CTNNA3: variants seen among roughly 807,000 people sequenced by gnomAD.
CTNNA3 encodes catenin alpha-3.
Under a neutral mutation model 95.7 loss-of-function variants are expected in CTNNA3, and 76 were observed. That is an observed-to-expected ratio of 0.79 (90% CI 0.66 to 0.96). The LOEUF is 0.96. Among genes scored for constraint, CTNNA3 ranks in the 40% least tolerant of loss-of-function variants. The pLI is 0.00. For synonymous variants in CTNNA3, 431 were observed against 374.4 expected (o/e 1.15, Z -1.74); for missense variants, 1,191 against 1,089.8 (o/e 1.09, Z -1.31).
chr10:67,112,889 A>T (rs771692062), intron 7 of CTNNA3, among the ~76,000 whole-genome samples: 1 of 152,126 alleles, frequency 6.6e-6, no homozygotes, highest in African/African-American at 2.4e-5. Flanking sequence ...TTAAAAAAAA[A>T]CATGTGAGTA....
At chr10:66,124,520 T>C (rs1442637393) in intron 13 of CTNNA3, among the ~76,000 whole-genome samples, 1 of 152,238 alleles carries the variant, frequency 6.6e-6, no homozygotes, top group African/African-American at 2.4e-5. Context: ...CACTTCCACA[T>C]TTTCAGGTAT....
intron 10 of CTNNA3, among the ~76,000 whole-genome samples, chr10:66,544,132 T>C (rs949815074): frequency 6.6e-6 from 1 of 151,928 alleles, no homozygotes; most frequent in Non-Finnish European, 1.5e-5. Flanking sequence ...CAAGGCTTCA[T>C]TGGCTATTAT....
intron 3 of CTNNA3, among the ~76,000 whole-genome samples, chr10:67,593,196 C>A (rs375338561): frequency 6.6e-6 from 1 of 152,146 alleles, no homozygotes; most frequent in Non-Finnish European, 1.5e-5. Flanking sequence ...ATACATGGTA[C>A]ATTTTCTTTA....
In CTNNA3 at chr10:67,716,692, G is replaced by T. The variant is rs7075835; in HGVS notation, c.-2+46742C>A. On this transcript the variant is annotated intron_variant, in intron 1 of 17. Transcript: ENST00000684154. ...CTGCATAGTATTCCATGGTGTGTAT[G>T]TGCCACATTTTCTTTATCCAGTCTA... Among the ~76,000 whole-genome samples, 1,413 of 152,256 alleles carry T rather than the reference G, an allele frequency of 9.3e-3. 23 individuals carry two copies. The highest frequency in any genetic ancestry group is 0.033 in the African/African-American group (1,354 of 41,534).
chr10:66,135,788 C>T (rs1434901895), intron 13 of CTNNA3, among the ~76,000 whole-genome samples: 4 of 152,158 alleles, frequency 2.6e-5, no homozygotes, highest in Non-Finnish European at 5.9e-5. Context: ...AAATAGCTTG[C>T]ATGCACTGGT....
intron 5 of CTNNA3, among the ~76,000 whole-genome samples, chr10:67,331,482 G>A (rs1270303084): frequency 1.3e-5 from 2 of 151,180 alleles, no homozygotes; most frequent in African/African-American, 2.4e-5. Flanking sequence ...TCTAGTCATA[G>A]TATTGTGAGA....
chr10:67,745,444 T>A (rs1215042749), intron 1 of CTNNA3, among the ~76,000 whole-genome samples: 1 of 141,394 alleles, frequency 7.1e-6, no homozygotes, highest in Admixed American at 7.8e-5. Flanking sequence ...TCACTCATAG[T>A]TGGGAATTGA....
intron 2 of CTNNA3, among the ~76,000 whole-genome samples, chr10:67,607,837 C>G (rs1843333007): frequency 6.6e-6 from 1 of 152,168 alleles, no homozygotes; most frequent in Non-Finnish European, 1.5e-5. Context: ...CCCCAGTCAT[C>G]AAATCATTTC....
At chr10:66,246,492 G>A (rs1437344987) in intron 13 of CTNNA3, among the ~76,000 whole-genome samples, 1 of 152,078 alleles carries the variant, frequency 6.6e-6, no homozygotes, top group Non-Finnish European at 1.5e-5. Flanking sequence ...CCCTGGCCAT[G>A]CCTCCTTGCT....
intron 15 of CTNNA3, among the ~76,000 whole-genome samples, chr10:66,007,695 G>A (rs1187966990): frequency 1.2e-5 from 1 of 82,018 alleles, no homozygotes; most frequent in African/African-American, 4.7e-5. Context: ...TATAAGCCAG[G>A]CTTTTAGATC....
chr10:66,608,123 A>G (rs1024588619), intron 10 of CTNNA3, among the ~76,000 whole-genome samples: 2 of 152,216 alleles, frequency 1.3e-5, no homozygotes, highest in African/African-American at 4.8e-5. Flanking sequence ...ATTAATGTAC[A>G]CAAATCACTA....
At chr10:66,183,038 G>A (rs962513667) in intron 13 of CTNNA3, among the ~76,000 whole-genome samples, 42 of 152,160 alleles carry the variant, frequency 2.8e-4, no homozygotes, top group African/African-American at 9.9e-4. Context: ...TCCTCGGAGA[G>A]GAGGGAAGAA....
intron 9 of CTNNA3, among the ~76,000 whole-genome samples, chr10:66,643,929 T>G (rs1232556057): frequency 6.6e-6 from 1 of 152,100 alleles, no homozygotes; most frequent in Non-Finnish European, 1.5e-5. Context: ...ACATTTCAGC[T>G]GTGCCACAAA....
chr10:66,389,303 C>T (rs1258056629), intron 11 of CTNNA3, among the ~76,000 whole-genome samples: 1 of 151,966 alleles, frequency 6.6e-6, no homozygotes, highest in Non-Finnish European at 1.5e-5. Context: ...TATTATAGAA[C>T]AAGCACATTT....
At chr10:66,440,829 C>A (rs2093370005) in intron 11 of CTNNA3, among the ~76,000 whole-genome samples, 1 of 152,104 alleles carries the variant, frequency 6.6e-6, no homozygotes, top group African/African-American at 2.4e-5. Context: ...AGATTAGGGC[C>A]TGGCACACAA....
At chr10:65,962,084 A>G (rs956454320) in intron 17 of CTNNA3, among the ~76,000 whole-genome samples, 4 of 152,128 alleles carry the variant, frequency 2.6e-5, no homozygotes, top group Admixed American at 2.0e-4. Flanking sequence ...GAATCTATAA[A>G]GGTACATTGG....
At chr10:67,580,516 G>C (rs1422496864) in intron 3 of CTNNA3, among the ~76,000 whole-genome samples, 1 of 150,964 alleles carries the variant, frequency 6.6e-6, no homozygotes, top group Non-Finnish European at 1.5e-5. Flanking sequence ...TGTTCTTTTG[G>C]CTTAGGATTG....
At chr10:67,399,758 A>G (rs1460783484) in intron 5 of CTNNA3, among the ~76,000 whole-genome samples, 3 of 152,158 alleles carry the variant, frequency 2.0e-5, no homozygotes, top group East Asian at 3.9e-4. Context: ...GATAATTTTC[A>G]TAAGTCTCAA....
chr10:66,325,231 G>C (rs2092240146), intron 12 of CTNNA3, among the ~76,000 whole-genome samples: 1 of 152,046 alleles, frequency 6.6e-6, no homozygotes, highest in Non-Finnish European at 1.5e-5. Context: ...TTTTTGTTTA[G>C]TATTGACTGT....
Sources: gnomAD v4.1 joint callset for allele counts (sites outside exome capture counted in the v4.1 genomes callset) on GRCh38, gnomAD v4.1.1 for gene constraint, MANE v1.5 for transcripts, NCBI Gene and HGNC (gene_info 2026-07-23, HGNC 2026-07-21) for gene names.